The following COPS7B variants were observed in gnomAD, a reference collection of about 807,000 sequenced individuals.
The protein encoded by COPS7B is COP9 signalosome subunit 7B, also known as COP9 signalosome complex subunit 7b.
In COPS7B, 9 loss-of-function variants were observed where a neutral mutation model predicts 33.4. The observed-to-expected ratio is 0.27, with a 90% CI of 0.16 to 0.47. The LOEUF (loss-of-function observed/expected upper bound fraction) is 0.47, where lower values mean the gene tolerates loss of function less well. Among genes scored for constraint, COPS7B ranks in the 20% least tolerant of loss-of-function variants. The pLI is 0.99. For missense variants in COPS7B, 242 were observed against 318.2 expected (o/e 0.76, Z 1.82); for synonymous variants, 119 against 126.3 (o/e 0.94, Z 0.39).
upstream of COPS7B, chr2:231,786,395 CT>C (rs1379690644): frequency 1.0e-6 from 1 of 964,268 alleles, no homozygotes; most frequent in African/African-American, 1.8e-5. Context: ...CGGTGGGAGG[CT>C]TCCGGGGGAG....
At chr2:231,805,786 G>A (rs145186763) in intron 6 of COPS7B, among the ~76,000 whole-genome samples, 2,131 of 151,774 alleles carry the variant, frequency 0.014, 20 homozygotes, top group Non-Finnish European at 0.021. Context: ...GGGACTACAG[G>A]TGCATGCCAC....
chr2:231,791,684 T>C lies in COPS7B; in HGVS notation c.163-49T>C, dbSNP rs2049420526. 3.4e-6 allele frequency: 5 copies of C among 1,490,076 alleles called. No homozygotes were observed. In the South Asian group the frequency reaches 3.4e-5, roughly 10 times the overall value. The allele number at this position is 1,490,076 out of a possible 1,614,324, so 92.3% of individuals were successfully genotyped here. A position where few individuals can be genotyped will look rare whatever the true frequency, so the allele number is the denominator to read the frequency against. ...CCCGTCCTCTGTTTGAACACTACAG[T>C]GATTGGTAGACAGTTTGGTCTGTGG... On this transcript the variant is annotated intron_variant, in intron 2 of 6. Transcript: ENST00000350033.
At chr2:231,794,658 C>G (rs2049513029) in intron 4 of COPS7B, among the ~76,000 whole-genome samples, 1 of 152,192 alleles carries the variant, frequency 6.6e-6, no homozygotes, top group Admixed American at 6.5e-5. Flanking sequence ...AATAGCAAGG[C>G]ATCTCAAGGC....
intron 6 of COPS7B, among the ~76,000 whole-genome samples, chr2:231,803,442 A>G (rs1466881148): frequency 6.6e-6 from 1 of 152,152 alleles, no homozygotes; most frequent in Non-Finnish European, 1.5e-5. Flanking sequence ...AACTAGAGAA[A>G]AAACCAAGTT....
chr2:231,791,686 A>G, intron 2 of COPS7B, 47 bp from the exon 3 acceptor site: 1 of 1,509,386 alleles, frequency 6.6e-7, no homozygotes, highest in South Asian at 1.1e-5. Flanking sequence ...CACTACAGTG[A>G]TTGGTAGACA....
At chr2:231,786,651 C>A in intron 1 of COPS7B, 113 bp downstream of exon 1, 1 of 377,290 alleles carries the variant, frequency 2.7e-6, no homozygotes, top group Non-Finnish European at 3.7e-6. Flanking sequence ...GCCCCGCCCC[C>A]GCCTTGGGGA....
chr2:231,791,121 G>C (rs908293815), intron 2 of COPS7B: 3 of 154,632 alleles, frequency 1.9e-5, no homozygotes, highest in African/African-American at 7.2e-5. Context: ...CAGAACAGTG[G>C]CTCTTTCGTT....
rs11679615 is a variant in COPS7B, at chr2:231,808,843, T to G, written c.*1198T>G. The G allele has an allele frequency of 0.062, 6,326 of 101,514 alleles. 449 individuals carry two copies. The highest frequency in any genetic ancestry group is 0.083 in the Middle Eastern group (24 of 288). The allele number at this position is 101,514 out of a possible 1,614,324, so 6.3% of individuals were successfully genotyped here. A position where few individuals can be genotyped will look rare whatever the true frequency, so the allele number is the denominator to read the frequency against. ...TGTGTGTGTGTGTGTGTGTGTGTGT[T>G]TGTAGGTCCTGGACTGATTAAAGTT... On this transcript the variant is annotated 3_prime_UTR_variant, in exon 7 of 7. Transcript: ENST00000350033.
chr2:231,787,765 C>T (rs756979794), intron 1 of COPS7B, among the ~76,000 whole-genome samples: 4 of 152,148 alleles, frequency 2.6e-5, no homozygotes, highest in African/African-American at 9.7e-5. Flanking sequence ...AGACATCTTT[C>T]TTGTCTGGTT....
chr2:231,796,082 A>G lies in COPS7B; in HGVS notation c.328-24A>G, dbSNP rs368066879. On this transcript the variant is annotated intron_variant, in intron 4 of 6. Coordinates refer to ENST00000350033, the MANE Select transcript of COPS7B (RefSeq NM_022730.4). Reference sequence around the variant, plus strand: ...TAATGCTTGCCAGATGGTTTTTATAATGATCACATGGCCTTATCTACAGTG... The same window carrying G: ...TAATGCTTGCCAGATGGTTTTTATAGTGATCACATGGCCTTATCTACAGTG... 13 of 1,605,598 alleles carry G rather than the reference A, an allele frequency of 8.1e-6. No individual in the cohort carries two copies. The African/African-American group carries it at 1.3e-4, about 17-fold the overall frequency.
chr2:231,788,396 A>G (rs1349782171), intron 1 of COPS7B, among the ~76,000 whole-genome samples, 159 bp from the exon 2 acceptor site: 1 of 152,194 alleles, frequency 6.6e-6, no homozygotes, highest in Non-Finnish European at 1.5e-5. Flanking sequence ...TCAGCCTCCC[A>G]AAGTGCTGGG....
chr2:231,801,477 G>C (rs1053716399), intron 6 of COPS7B, among the ~76,000 whole-genome samples: 1 of 152,162 alleles, frequency 6.6e-6, no homozygotes, highest in Non-Finnish European at 1.5e-5. Context: ...CTGTCACCCA[G>C]GCTGGAGTGC....
intron 4 of COPS7B, among the ~76,000 whole-genome samples, chr2:231,794,995 C>T (rs1434302947): frequency 6.6e-5 from 10 of 151,206 alleles, no homozygotes; most frequent in Non-Finnish European, 1.5e-5. Context: ...CCTGGGCTTA[C>T]TGCAACCTCC....
At chr2:231,788,794 A>G (rs1308904220) in intron 2 of COPS7B, 62 bp downstream of exon 2, 3 of 1,517,622 alleles carry the variant, frequency 2.0e-6, no homozygotes, top group Admixed American at 1.9e-5. Flanking sequence ...CCAGGTTTCC[A>G]AAGAATTTCA....
At chr2:231,796,045 C>T in intron 4 of COPS7B, 61 bp from the exon 5 acceptor site, 4 of 1,460,398 alleles carry the variant, frequency 2.7e-6, no homozygotes, top group East Asian at 2.3e-5. Flanking sequence ...GGAGTAATAC[C>T]TGCATTTTCG....
At position 231,808,122 on chromosome 2, in the gene COPS7B, G is replaced by A. The variant is rs1266305203; in HGVS notation, c.*477G>A. The A allele has an allele frequency of 1.6e-5, 4 of 246,230 alleles. No homozygotes were observed. The highest frequency in any genetic ancestry group is 2.9e-4 in the East Asian group (2 of 6,834). The allele number at this position is 246,230 out of a possible 1,614,324, so 15.3% of individuals were successfully genotyped here. ...ATGGTGCAGTGATTTCTAGCCAGGC[G>A]TCAAGATGCGCTGCTTTCCCTCTCC... is the stretch of plus-strand genomic sequence containing the variant. On this transcript the variant is annotated 3_prime_UTR_variant, in exon 7 of 7. Coordinates refer to ENST00000350033, the MANE Select transcript of COPS7B (RefSeq NM_022730.4).
chr2:231,785,169 A>G (rs1024349299), upstream of COPS7B, among the ~76,000 whole-genome samples: 3 of 152,158 alleles, frequency 2.0e-5, no homozygotes, highest in Admixed American at 1.3e-4. Context: ...CCTGCCTCCA[A>G]TTCTCTCCAC....
At chr2:231,786,855 G>A (rs925222885) in intron 1 of COPS7B, among the ~76,000 whole-genome samples, 7 of 152,188 alleles carry the variant, frequency 4.6e-5, no homozygotes, top group African/African-American at 1.7e-4. Flanking sequence ...ATTTATCTCC[G>A]CTCTGTGCCT....
intron 6 of COPS7B, among the ~76,000 whole-genome samples, chr2:231,806,715 C>G (rs937214298): frequency 2.0e-5 from 3 of 152,172 alleles, no homozygotes; most frequent in African/African-American, 7.2e-5. Context: ...AGTACTGATT[C>G]AAATGTAAAA....
Sources: allele counts gnomAD v4.1 joint callset (sites outside exome capture counted in the v4.1 genomes callset), GRCh38; gene constraint gnomAD v4.1.1; transcripts MANE v1.5; gene names NCBI Gene and HGNC (gene_info 2026-07-23, HGNC 2026-07-21).